Variants in TTC7B observed in about 807,000 individuals in gnomAD.
The protein encoded by TTC7B is tetratricopeptide repeat domain 7B.
Under a neutral mutation model 106.8 loss-of-function variants are expected in TTC7B, and 28 were observed. The observed-to-expected ratio is 0.26, with a 90% CI of 0.19 to 0.36. The LOEUF is 0.36. Among genes scored for constraint, TTC7B ranks in the 10% least tolerant of loss-of-function variants. TTC7B has a pLI of 1.00. For missense variants in TTC7B, 862 were observed against 1,076.4 expected, an observed-to-expected ratio of 0.80 and a Z score of 2.79; for synonymous variants, 405 against 430.6, an observed-to-expected ratio of 0.94 and a Z score of 0.74.
At chr14:90,797,573 G>A (rs1291008317) in intron 1 of TTC7B, among the ~76,000 whole-genome samples, 2 of 151,960 alleles carry the variant, frequency 1.3e-5, no homozygotes, top group Non-Finnish European at 2.9e-5. Context: ...TGCCTCCAGA[G>A]TGCTAACAGG....
chr14:90,625,869 T>C (rs941005817), intron 15 of TTC7B, among the ~76,000 whole-genome samples: 2 of 152,244 alleles, frequency 1.3e-5, no homozygotes, highest in African/African-American at 2.4e-5. Flanking sequence ...GTGCTATTCA[T>C]TGGGGTTCAT....
intron 3 of TTC7B, among the ~76,000 whole-genome samples, chr14:90,754,971 G>A (rs1230517110): frequency 6.6e-6 from 1 of 152,056 alleles, no homozygotes; most frequent in Admixed American, 6.5e-5. Context: ...ATTTTAAACT[G>A]ATCACTTCAG....
chr14:90,784,476 G>A (rs1311744203), intron 2 of TTC7B, among the ~76,000 whole-genome samples: 2 of 152,122 alleles, frequency 1.3e-5, no homozygotes, highest in African/African-American at 4.8e-5. Flanking sequence ...AGAATGGCAT[G>A]AGCGCGGGAG....
intron 17 of TTC7B, among the ~76,000 whole-genome samples, chr14:90,606,976 C>T (rs550141763): frequency 1.3e-5 from 2 of 152,222 alleles, no homozygotes; most frequent in African/African-American, 4.8e-5. Context: ...TTATCAGTTA[C>T]ACATATATCC....
intron 15 of TTC7B, among the ~76,000 whole-genome samples, chr14:90,626,783 C>T (rs1262617475): frequency 6.6e-6 from 1 of 152,152 alleles, no homozygotes; most frequent in Non-Finnish European, 1.5e-5. Flanking sequence ...AAACCCCAAC[C>T]ACATGCCAGC....
At chr14:90,628,054 G>A (rs1293163271) in intron 15 of TTC7B, among the ~76,000 whole-genome samples, 1 of 152,178 alleles carries the variant, frequency 6.6e-6, no homozygotes, top group Non-Finnish European at 1.5e-5. Flanking sequence ...GGCTATTCCC[G>A]AAGGCTACCT....
chr14:90,598,343 C>T (rs1566790415), intron 17 of TTC7B, among the ~76,000 whole-genome samples: 1 of 152,196 alleles, frequency 6.6e-6, no homozygotes, highest in Non-Finnish European at 1.5e-5. Context: ...CCTTGCCCTC[C>T]CACCTAGATC....
At chr14:90,555,530 C>T (rs979846584) in intron 19 of TTC7B, among the ~76,000 whole-genome samples, 1 of 152,230 alleles carries the variant, frequency 6.6e-6, no homozygotes, top group Non-Finnish European at 1.5e-5. Flanking sequence ...AGTCTGGATT[C>T]TGCTGGGAGG....
intron 3 of TTC7B, among the ~76,000 whole-genome samples, chr14:90,770,438 C>CGAGGCTGAGG (rs1890826046): frequency 2.6e-5 from 4 of 152,120 alleles, no homozygotes; most frequent in Admixed American, 2.6e-4. Context: ...GGGCAGATCA[C>CGAGGCTGAGG]CTGAGGTCGG....
intron 4 of TTC7B, among the ~76,000 whole-genome samples, chr14:90,735,241 C>A (rs879383811): frequency 6.6e-5 from 10 of 152,214 alleles, no homozygotes; most frequent in Non-Finnish European, 1.5e-4. Context: ...CACGGTGGCT[C>A]ACGCCTGTAA....
intron 1 of TTC7B, among the ~76,000 whole-genome samples, chr14:90,813,031 G>A (rs2030986489): frequency 6.6e-6 from 1 of 151,958 alleles, no homozygotes; most frequent in African/African-American, 2.4e-5. Flanking sequence ...CCATAGCCCT[G>A]TCTCACTCAC....
intron 2 of TTC7B, among the ~76,000 whole-genome samples, chr14:90,782,195 G>C (rs1008412829): frequency 4.8e-4 from 73 of 152,132 alleles, no homozygotes; most frequent in African/African-American, 1.7e-3. Context: ...CAGTGGACAA[G>C]CAGGACTGAT....
chr14:90,567,556 G>A (rs1890851373), intron 19 of TTC7B: 1 of 152,174 alleles, frequency 6.6e-6, no homozygotes, highest in African/African-American at 2.4e-5. Flanking sequence ...TAGCCCTGGA[G>A]GAGTTCAGAG....
chr14:90,591,977 CCT>C (rs1381464799), intron 18 of TTC7B, among the ~76,000 whole-genome samples: 2 of 152,156 alleles, frequency 1.3e-5, no homozygotes, highest in African/African-American at 4.8e-5. Flanking sequence ...ATGAATCACC[CCT>C]CTTTTGTACT....
chr14:90,582,014 C>G (rs1566782292), intron 18 of TTC7B, among the ~76,000 whole-genome samples: 1 of 152,162 alleles, frequency 6.6e-6, no homozygotes. Context: ...GTGACCCTGA[C>G]AGATGTGACA....
chr14:90,556,916 G>C (rs973536395), intron 19 of TTC7B, among the ~76,000 whole-genome samples: 2 of 152,114 alleles, frequency 1.3e-5, no homozygotes, highest in African/African-American at 2.4e-5. Context: ...GCCAGGGAAC[G>C]GGGGGGACAT....
rs148204865 is a variant in TTC7B, at chr14:90,655,036, G to C, written c.1416C>G (p.Gly472=). 5.6e-5 allele frequency: 91 copies of C among 1,614,234 alleles called. No homozygotes were observed. In the African/African-American group the frequency reaches 1.1e-3, roughly 19 times the overall value. Residue 472 remains glycine, a synonymous_variant, in exon 12 of 20, where the codon GGC becomes GGG. Transcript: ENST00000328459. ...TGTACGTGAGCCCCAGAGCTAAGTA[G>C]CCTTTGGCCTTGAACTCTGACGTTT... ...GEKTSEFKAK[G]YLALGLTYSL...
intron 3 of TTC7B, among the ~76,000 whole-genome samples, chr14:90,761,344 GT>G (rs1202519616): frequency 6.6e-6 from 1 of 152,054 alleles, no homozygotes; most frequent in Non-Finnish European, 1.5e-5. Context: ...ATCTCTTCAG[GT>G]TTTCACATTT....
rs1214919364 is a variant in TTC7B at position 90,525,834 on chromosome 14, C to G, written c.*15534G>C. The stretch of plus-strand genomic sequence containing the variant: ...ACAAGCACGTCACTGTTAGGCTAAG[C>G]AGAGACTTTGGAACCCCGGTTCTAA... On this transcript the variant is annotated 3_prime_UTR_variant, in exon 20 of 20. Transcript: ENST00000328459. The G allele has an allele frequency of 6.8e-6, 1 of 146,998 alleles. No individual in the cohort carries two copies. The allele number at this position is 146,998 out of a possible 1,614,324, so 9.1% of individuals were successfully genotyped here. A position where few individuals can be genotyped will look rare whatever the true frequency, so the allele number is the denominator to read the frequency against.
Sources: gnomAD v4.1 joint callset for allele counts (sites outside exome capture counted in the v4.1 genomes callset) on GRCh38, gnomAD v4.1.1 for gene constraint, MANE v1.5 for transcripts, NCBI Gene and HGNC (gene_info 2026-07-23, HGNC 2026-07-21) for gene names.